CHD9: variants seen among roughly 807,000 people sequenced by gnomAD.
The protein encoded by CHD9 is chromodomain helicase DNA binding protein 9.
Under a neutral mutation model 316.1 loss-of-function variants are expected in CHD9, and 77 were observed. The observed-to-expected ratio is 0.24, with a 90% CI of 0.20 to 0.29. CHD9 has a LOEUF of 0.29. CHD9 is among the 10% of genes least tolerant of loss of function. The probability of loss-of-function intolerance (pLI) is 1.00; values close to 1 mark genes in which losing one functional copy is unlikely to be tolerated. For missense variants in CHD9, 2,763 were observed against 3,438.1 expected, an observed-to-expected ratio of 0.80 and a Z score of 4.91; for synonymous variants, 1,129 against 1,158.3, an observed-to-expected ratio of 0.97 and a Z score of 0.51.
intron 2 of CHD9, among the ~76,000 whole-genome samples, chr16:53,199,773 C>T (rs1170891043): frequency 6.6e-6 from 1 of 152,158 alleles, no homozygotes; most frequent in East Asian, 1.9e-4. Flanking sequence ...GACCATTAAA[C>T]TATTCTTACC....
intron 1 of CHD9, among the ~76,000 whole-genome samples, chr16:53,071,473 G>A (rs1357257583): frequency 6.6e-6 from 1 of 152,172 alleles, no homozygotes; most frequent in Non-Finnish European, 1.5e-5. Flanking sequence ...AAGGGTTTGC[G>A]AGTTCCTCTT....
At chr16:53,224,028 A>G (rs965874384) in intron 4 of CHD9, among the ~76,000 whole-genome samples, 5 of 152,198 alleles carry the variant, frequency 3.3e-5, no homozygotes, top group Admixed American at 2.0e-4. Context: ...TGCCCCTGCA[A>G]CAGAGTATAC....
At chr16:53,056,896 C>A (rs1009218236) in intron 1 of CHD9, among the ~76,000 whole-genome samples, 1 of 152,146 alleles carries the variant, frequency 6.6e-6, no homozygotes, top group African/African-American at 2.4e-5. Flanking sequence ...CCCTGTAATC[C>A]CAGCACTTTG....
chr16:53,226,990 T>C (rs1046748691), intron 5 of CHD9, among the ~76,000 whole-genome samples: 2 of 152,156 alleles, frequency 1.3e-5, no homozygotes, highest in South Asian at 2.1e-4. Flanking sequence ...CCCTCGTCTA[T>C]GATTTTTTAA....
At chr16:53,252,137 C>T (rs1167339528) in intron 17 of CHD9, among the ~76,000 whole-genome samples, 1 of 152,144 alleles carries the variant, frequency 6.6e-6, no homozygotes, top group Non-Finnish European at 1.5e-5. Flanking sequence ...CATCACACTA[C>T]CTGACTTCAA....
chr16:53,238,422 A>T lies in CHD9; in HGVS notation c.2713A>T (p.Thr905Ser). 1 of 1,613,092 alleles carries T rather than the reference A, an allele frequency of 6.2e-7. No homozygotes were observed. The highest frequency in any genetic ancestry group is 1.7e-5 in the Admixed American group (1 of 59,952). Reference protein sequence around the residue: ...SITFLYEILLTGIRGPFLIIA... With the variant: ...SITFLYEILLSGIRGPFLIIA... ...TACATTCCTCTATGAAATCCTTCTG[A>T]CTGGTATAAGAGGACCTTTCCTGAT... The change falls in exon 12 of 39, where the codon ACT becomes TCT. Residue 905 changes from threonine (T) to serine (S), a missense_variant. Physicochemically the swap from Thr to Ser is moderately conservative, Grantham distance 58. Transcript: ENST00000447540.
intron 15 of CHD9, among the ~76,000 whole-genome samples, chr16:53,246,739 G>A (rs895535861): frequency 6.6e-6 from 1 of 151,770 alleles, no homozygotes; most frequent in Non-Finnish European, 1.5e-5. Flanking sequence ...GCTCAGGCTG[G>A]TCTCAAACTC....
At chr16:53,097,424 A>G (rs1322157723) in intron 1 of CHD9, among the ~76,000 whole-genome samples, 1 of 145,214 alleles carries the variant, frequency 6.9e-6, no homozygotes, top group African/African-American at 2.6e-5. Context: ...TTTCTTTCAC[A>G]GTCTTGCTCT....
At chr16:53,140,710 C>T (rs963008987) in intron 1 of CHD9, among the ~76,000 whole-genome samples, 6 of 152,178 alleles carry the variant, frequency 3.9e-5, no homozygotes, top group African/African-American at 1.2e-4. Context: ...ACCTCAGCCT[C>T]CCAAGTAGCT....
At chr16:53,285,162 T>A (rs189475229) in intron 24 of CHD9, among the ~76,000 whole-genome samples, 1 of 152,312 alleles carries the variant, frequency 6.6e-6, no homozygotes, top group African/African-American at 2.4e-5. Flanking sequence ...CTAGAGGAGC[T>A]ATTACTTGTT....
chr16:53,288,131 A>G, intron 27 of CHD9, 117 bp downstream of exon 27: 1 of 722,880 alleles, frequency 1.4e-6, no homozygotes, highest in Non-Finnish European at 2.4e-6. Flanking sequence ...TCTGTTCCTC[A>G]GATTAGCTAA....
At chr16:53,322,894 A>G (rs1265156771) in intron 38 of CHD9, among the ~76,000 whole-genome samples, 1 of 152,210 alleles carries the variant, frequency 6.6e-6, no homozygotes, top group East Asian at 1.9e-4. Flanking sequence ...TTATCTCTGA[A>G]TGTTGAGATG....
intron 1 of CHD9, among the ~76,000 whole-genome samples, chr16:53,075,925 G>C (rs1435771175): frequency 1.3e-5 from 2 of 152,072 alleles, no homozygotes; most frequent in Non-Finnish European, 2.9e-5. Flanking sequence ...ACCAACACTT[G>C]TTATTTTCTG....
intron 1 of CHD9, among the ~76,000 whole-genome samples, chr16:53,117,484 G>A (rs777990716): frequency 1.3e-5 from 2 of 151,792 alleles, no homozygotes; most frequent in African/African-American, 4.8e-5. Flanking sequence ...GCATGATCTT[G>A]GCTCACTGCA....
intron 1 of CHD9, among the ~76,000 whole-genome samples, chr16:53,073,825 G>C (rs1428715374): frequency 1.3e-5 from 2 of 152,146 alleles, no homozygotes; most frequent in Non-Finnish European, 2.9e-5. Context: ...TTTCTTCCTA[G>C]TCTCATGTAT....
chr16:53,096,048 C>G (rs1423502059), intron 1 of CHD9, among the ~76,000 whole-genome samples: 3 of 150,534 alleles, frequency 2.0e-5, no homozygotes, highest in African/African-American at 7.3e-5. Context: ...TGCAAGGGGA[C>G]TGTGAAGATT....
intron 37 of CHD9, chr16:53,319,699 G>A: frequency 2.6e-6 from 1 of 391,224 alleles, no homozygotes; most frequent in Non-Finnish European, 3.9e-6. Flanking sequence ...TTACCTGTTG[G>A]GTTTGATATT....
chr16:53,223,975 C>T (rs1268502581), intron 4 of CHD9, among the ~76,000 whole-genome samples: 1 of 152,076 alleles, frequency 6.6e-6, no homozygotes, highest in Non-Finnish European at 1.5e-5. Context: ...GAGAATATTA[C>T]AGTAGTCCAA....
intron 1 of CHD9, among the ~76,000 whole-genome samples, chr16:53,113,220 C>T (rs144719688): frequency 1.6e-4 from 25 of 152,028 alleles, no homozygotes; most frequent in African/African-American, 6.0e-4. Flanking sequence ...GTGAGGCAGG[C>T]AGCATAGATG....
Sources: gnomAD v4.1 joint callset for allele counts (sites outside exome capture counted in the v4.1 genomes callset) on GRCh38, gnomAD v4.1.1 for gene constraint, MANE v1.5 for transcripts, NCBI Gene and HGNC (gene_info 2026-07-23, HGNC 2026-07-21) for gene names.